Variants in LRMDA observed in about 807,000 individuals in gnomAD.
LRMDA encodes leucine-rich melanocyte differentiation-associated protein.
In LRMDA, 18 loss-of-function variants were observed where a neutral mutation model predicts 29.8. The observed-to-expected ratio is 0.60, with a 90% CI of 0.42 to 0.90. The LOEUF (loss-of-function observed/expected upper bound fraction) is 0.90. LRMDA is among the 40% of genes least tolerant of loss of function. LRMDA has a pLI of 0.00. For synonymous variants in LRMDA, 125 were observed against 109.4 expected (o/e 1.14, Z -0.89); for missense variants, 273 against 273.9 (o/e 1.00, Z 0.02).
intron 5 of LRMDA, among the ~76,000 whole-genome samples, chr10:76,298,266 T>A (rs1840437283): frequency 6.6e-6 from 1 of 152,158 alleles, no homozygotes; most frequent in Non-Finnish European, 1.5e-5. Flanking sequence ...CCCCAACCAG[T>A]TAGCAGCATA....
chr10:75,570,127 C>T (rs1385637983), intron 2 of LRMDA, among the ~76,000 whole-genome samples: 1 of 152,138 alleles, frequency 6.6e-6, no homozygotes, highest in Admixed American at 6.5e-5. Context: ...GGCATTAGTC[C>T]CAATTTTGCC....
intron 2 of LRMDA, among the ~76,000 whole-genome samples, chr10:75,638,020 G>GGGGT (rs1357285476): frequency 1.3e-5 from 2 of 152,204 alleles, no homozygotes; most frequent in African/African-American, 4.8e-5. Context: ...ACAGCATCAT[G>GGGGT]GGGTGGTCGT....
chr10:76,103,800 C>T (rs537667571), intron 5 of LRMDA, among the ~76,000 whole-genome samples: 27 of 152,266 alleles, frequency 1.8e-4, no homozygotes, highest in Admixed American at 3.9e-4. Flanking sequence ...CCTGTAATCC[C>T]AGCACTTTGG....
intron 5 of LRMDA, among the ~76,000 whole-genome samples, chr10:76,322,742 C>CT (rs1011828635): frequency 1.9e-4 from 29 of 151,974 alleles, no homozygotes; most frequent in Non-Finnish European, 2.5e-4. Context: ...ATTTTTGGGT[C>CT]TTTTTTTTAG....
chr10:75,594,811 G>A (rs1405879486), intron 2 of LRMDA, among the ~76,000 whole-genome samples: 1 of 152,196 alleles, frequency 6.6e-6, no homozygotes, highest in South Asian at 2.1e-4. Context: ...GTTGAATAGA[G>A]AAGGGTTAAC....
intron 2 of LRMDA, among the ~76,000 whole-genome samples, chr10:75,604,085 AG>A (rs539108184): frequency 8.5e-4 from 130 of 152,262 alleles, no homozygotes; most frequent in Middle Eastern, 3.4e-3. Flanking sequence ...ATTTTATATC[AG>A]TTGGATTGTG....
chr10:76,417,684 T>C (rs1471411022), intron 6 of LRMDA, among the ~76,000 whole-genome samples: 1 of 152,204 alleles, frequency 6.6e-6, no homozygotes, highest in Non-Finnish European at 1.5e-5. Context: ...TAAACAGTAT[T>C]CCAAAATATT....
chr10:75,501,984 A>G (rs538010872), intron 2 of LRMDA, among the ~76,000 whole-genome samples: 1 of 152,274 alleles, frequency 6.6e-6, no homozygotes, highest in East Asian at 1.9e-4. Flanking sequence ...AAATGAAAGT[A>G]GAGTGTGTGT....
At chr10:75,830,208 T>G (rs1844316163) in intron 2 of LRMDA, among the ~76,000 whole-genome samples, 3 of 152,204 alleles carry the variant, frequency 2.0e-5, no homozygotes, top group African/African-American at 7.2e-5. Flanking sequence ...GAAGCTCTAG[T>G]AACCCAGCAG....
intron 2 of LRMDA, among the ~76,000 whole-genome samples, chr10:75,962,237 GC>G (rs773739685): frequency 6.6e-6 from 1 of 152,160 alleles, no homozygotes; most frequent in Non-Finnish European, 1.5e-5. Flanking sequence ...CTGCAGAGTG[GC>G]CCCACAAGCA....
chr10:75,967,334 C>T (rs549670398), intron 2 of LRMDA, among the ~76,000 whole-genome samples: 15 of 152,200 alleles, frequency 9.9e-5, no homozygotes, highest in African/African-American at 3.6e-4. Context: ...TGCTCCCTAG[C>T]CAAACAATTT....
intron 5 of LRMDA, among the ~76,000 whole-genome samples, chr10:76,088,602 C>T (rs1849179246): frequency 6.6e-6 from 1 of 152,122 alleles, no homozygotes; most frequent in Non-Finnish European, 1.5e-5. Context: ...TGTTGGGCAC[C>T]CAGCTTACTT....
At chr10:75,999,936 G>T (rs1847533076) in intron 2 of LRMDA, among the ~76,000 whole-genome samples, 1 of 152,150 alleles carries the variant, frequency 6.6e-6, no homozygotes, top group Admixed American at 6.5e-5. Flanking sequence ...TGCATGTTTG[G>T]AAGATAAATG....
intron 2 of LRMDA, among the ~76,000 whole-genome samples, chr10:75,807,609 T>C (rs780199869): frequency 6.6e-6 from 1 of 152,184 alleles, no homozygotes; most frequent in Non-Finnish European, 1.5e-5. Flanking sequence ...AAATGCTGGC[T>C]ATTGTGCTTT....
At position 75,705,728 on chromosome 10, in the gene LRMDA, T is replaced by C. The variant is rs539480473; in HGVS notation, c.131+267234T>C. Among the ~76,000 whole-genome samples the C allele has an allele frequency of 5.3e-5, 8 of 152,272 alleles. No individual in the cohort carries two copies. The South Asian group carries it at 1.2e-3, about 24-fold the overall frequency. On this transcript the variant is annotated intron_variant, in intron 2 of 6. Coordinates refer to ENST00000611255, the MANE Select transcript of LRMDA (RefSeq NM_001305581.2). Reference sequence around the variant, plus strand: ...GAGAGCAACATTTCAAAATGGCTCTTATTCCATCCTTTCCCCTCATCCCAC... The same window carrying C: ...GAGAGCAACATTTCAAAATGGCTCTCATTCCATCCTTTCCCCTCATCCCAC...
intron 2 of LRMDA, among the ~76,000 whole-genome samples, chr10:75,508,082 TG>T (rs1845188368): frequency 6.6e-6 from 1 of 152,232 alleles, no homozygotes; most frequent in South Asian, 2.1e-4. Flanking sequence ...ATGTCTCTTC[TG>T]CTGCCTGTTC....
chr10:76,403,427 G>A (rs1057168044), intron 6 of LRMDA: 7 of 151,974 alleles, frequency 4.6e-5, no homozygotes, highest in South Asian at 2.1e-4. Context: ...CCGTCTTCCC[G>A]TCTTGCATGC....
chr10:75,438,459 C>G lies in LRMDA; in HGVS notation c.96C>G (p.Phe32Leu). The change falls in exon 2 of 7, where the codon TTC becomes TTG. Residue 32 changes from phenylalanine to leucine, a missense_variant. Physicochemically the swap from Phe to Leu is conservative, Grantham distance 22 (BLOSUM62 0). Transcript: ENST00000611255. ...ACCTTGGCAGGGACTGTGGACATTT[C>G]GCAAAGAGGCTTGATCTGAGCTTTA... The part of the protein sequence containing the change: ...PEHLGRDCGH[F>L]AKRLDLSFNL... 6.4e-7 allele frequency: 1 copy of G among 1,550,822 alleles called. No homozygotes were observed. The highest frequency in any genetic ancestry group is 8.7e-7 in the Non-Finnish European group (1 of 1,147,046).
chr10:76,351,420 G>C (rs562007150), intron 6 of LRMDA, among the ~76,000 whole-genome samples: 1 of 152,266 alleles, frequency 6.6e-6, no homozygotes, highest in African/African-American at 2.4e-5. Context: ...GTCAGACCAG[G>C]AGGGTAAGTA....
Sources: allele counts gnomAD v4.1 joint callset (sites outside exome capture counted in the v4.1 genomes callset), GRCh38; gene constraint gnomAD v4.1.1; transcripts MANE v1.5; gene names NCBI Gene and HGNC (gene_info 2026-07-23, HGNC 2026-07-21).